PRKN: variants seen among roughly 807,000 people sequenced by gnomAD.
PRKN encodes the protein E3 ubiquitin-protein ligase parkin.
PRKN carries 56 observed loss-of-function variants against 59.5 expected under a neutral mutation model. The observed-to-expected ratio is 0.94, with a 90% CI of 0.76 to 1.18. The LOEUF (loss-of-function observed/expected upper bound fraction) is 1.18. Ranked by LOEUF, PRKN falls within the 50% of genes most tolerant of loss-of-function variation. The pLI is 0.00. For missense variants in PRKN, 657 were observed against 596.4 expected, an observed-to-expected ratio of 1.10 and a Z score of -1.06; for synonymous variants, 250 against 222.1, an observed-to-expected ratio of 1.13 and a Z score of -1.12.
chr6:162,588,708 C>G (rs372383944), intron 1 of PRKN, among the ~76,000 whole-genome samples: 1 of 152,190 alleles, frequency 6.6e-6, no homozygotes, highest in African/African-American at 2.4e-5. Flanking sequence ...CCCGCCACCA[C>G]GCCCGGGTAA....
intron 7 of PRKN, among the ~76,000 whole-genome samples, chr6:161,730,465 T>A (rs929175336): frequency 6.6e-6 from 1 of 151,262 alleles, no homozygotes; most frequent in African/African-American, 2.5e-5. Flanking sequence ...ATGTGTTCCA[T>A]TCTGATGTGT....
intron 6 of PRKN, among the ~76,000 whole-genome samples, chr6:161,813,707 A>T (rs1350962107): frequency 6.6e-6 from 1 of 152,062 alleles, no homozygotes; most frequent in East Asian, 1.9e-4. Context: ...GCTGCCACCC[A>T]GCTCTGGGTC....
intron 5 of PRKN, among the ~76,000 whole-genome samples, chr6:162,033,792 C>T (rs1212152166): frequency 6.6e-6 from 1 of 152,194 alleles, no homozygotes; most frequent in African/African-American, 2.4e-5. Context: ...ACTCATTTAA[C>T]TGTTCATTGT....
At chr6:161,828,119 C>G (rs2128218061) in intron 6 of PRKN, among the ~76,000 whole-genome samples, 1 of 152,272 alleles carries the variant, frequency 6.6e-6, no homozygotes, top group Admixed American at 6.5e-5. Context: ...GAAAGATTCC[C>G]TTTCAATCAA....
chr6:161,464,082 T>C (rs1045609247), intron 9 of PRKN, among the ~76,000 whole-genome samples: 4 of 152,182 alleles, frequency 2.6e-5, no homozygotes, highest in Non-Finnish European at 5.9e-5. Context: ...TGGTGCAATC[T>C]TGGCTTACCA....
chr6:161,501,340 A>C (rs145749939), intron 9 of PRKN, among the ~76,000 whole-genome samples: 1 of 152,094 alleles, frequency 6.6e-6, no homozygotes, highest in Admixed American at 6.5e-5. Context: ...GAGGTATCTC[A>C]TTGTTTTAAT....
intron 6 of PRKN, among the ~76,000 whole-genome samples, chr6:161,840,898 A>G (rs1005504198): frequency 7.9e-5 from 12 of 151,890 alleles, no homozygotes; most frequent in African/African-American, 2.9e-4. Context: ...AATGGCTATT[A>G]TTAAAAAGTC....
At chr6:161,441,103 T>C (rs1253975668) in intron 9 of PRKN, among the ~76,000 whole-genome samples, 1 of 152,020 alleles carries the variant, frequency 6.6e-6, no homozygotes, top group Non-Finnish European at 1.5e-5. Flanking sequence ...TCAAATAAAG[T>C]CAGAAAGGGC....
At chr6:161,829,893 G>A (rs1407620860) in intron 6 of PRKN, among the ~76,000 whole-genome samples, 1 of 151,886 alleles carries the variant, frequency 6.6e-6, no homozygotes, top group African/African-American at 2.4e-5. Context: ...ACCAAGGATG[G>A]GAATATAACA....
At chr6:161,823,349 G>C (rs1390550294) in intron 6 of PRKN, among the ~76,000 whole-genome samples, 1 of 152,008 alleles carries the variant, frequency 6.6e-6, no homozygotes, top group African/African-American at 2.4e-5. Context: ...TCATAAATTA[G>C]CTTAATAATT....
At chr6:162,598,041 G>A (rs1781559826) in intron 1 of PRKN, among the ~76,000 whole-genome samples, 1 of 152,018 alleles carries the variant, frequency 6.6e-6, no homozygotes, top group South Asian at 2.1e-4. Flanking sequence ...ATAGAATCAC[G>A]ATGGAAATGA....
intron 10 of PRKN, among the ~76,000 whole-genome samples, chr6:161,374,742 T>C (rs901988959): frequency 1.6e-4 from 24 of 148,972 alleles, no homozygotes; most frequent in Admixed American, 1.6e-3. Flanking sequence ...ATGTGTGGTG[T>C]GTGTGTGTGT....
At chr6:162,160,681 A>G (rs1782712818) in intron 4 of PRKN, among the ~76,000 whole-genome samples, 1 of 151,918 alleles carries the variant, frequency 6.6e-6, no homozygotes, top group South Asian at 2.1e-4. Flanking sequence ...ATTAGCCTAA[A>G]AACAAACAAA....
chr6:162,298,491 A>G (rs760371719), intron 2 of PRKN, among the ~76,000 whole-genome samples: 1 of 151,908 alleles, frequency 6.6e-6, no homozygotes, highest in African/African-American at 2.4e-5. Flanking sequence ...ATCTGAACTG[A>G]CACACCCTGG....
At chr6:161,801,568 G>A (rs1377920681) in intron 6 of PRKN, among the ~76,000 whole-genome samples, 1 of 152,180 alleles carries the variant, frequency 6.6e-6, no homozygotes, top group Non-Finnish European at 1.5e-5. Flanking sequence ...CTGCCTCTGT[G>A]CATCTGTCAA....
intron 2 of PRKN, among the ~76,000 whole-genome samples, chr6:162,315,902 C>G (rs1299523030): frequency 1.3e-5 from 2 of 152,110 alleles, no homozygotes; most frequent in African/African-American, 4.8e-5. Context: ...CAGAATCTGA[C>G]TTCGCATCTA....
intron 1 of PRKN, among the ~76,000 whole-genome samples, chr6:162,463,161 T>A (rs1450450562): frequency 1.3e-5 from 2 of 152,168 alleles, no homozygotes; most frequent in African/African-American, 4.8e-5. Flanking sequence ...CTGCTTGAGT[T>A]TGTATTAAAT....
intron 1 of PRKN, among the ~76,000 whole-genome samples, chr6:162,503,908 C>A (rs1267035483): frequency 6.6e-6 from 1 of 152,164 alleles, no homozygotes; most frequent in African/African-American, 2.4e-5. Context: ...TGTTTCAATG[C>A]CGTGCAAAAG....
chr6:162,653,726 A>G (rs976904684), intron 1 of PRKN, among the ~76,000 whole-genome samples: 8 of 152,214 alleles, frequency 5.3e-5, no homozygotes, highest in Admixed American at 2.6e-4. Flanking sequence ...CTGTGAGAAT[A>G]GCAGAGGAAA....
Sources: allele counts gnomAD v4.1 joint callset (sites outside exome capture counted in the v4.1 genomes callset), GRCh38; gene constraint gnomAD v4.1.1; transcripts MANE v1.5; gene names NCBI Gene and HGNC (gene_info 2026-07-23, HGNC 2026-07-21).